The following GLIS1 variants were observed in gnomAD, a reference collection of about 807,000 sequenced individuals.
GLIS1 encodes the protein GLIS family zinc finger 1, also known as zinc finger protein GLIS1.
In GLIS1, 24 loss-of-function variants were observed where a neutral mutation model predicts 63.8. That is an observed-to-expected ratio of 0.38 (90% CI 0.27 to 0.53). GLIS1 has a LOEUF of 0.53. GLIS1 is among the 20% of genes least tolerant of loss of function. The pLI is 0.85. For missense variants in GLIS1, 1,036 were observed against 1,074.1 expected (o/e 0.96, Z 0.50); for synonymous variants, 450 against 482.5 (o/e 0.93, Z 0.88).
At chr1:53,704,150 T>C (rs1646552413) in intron 2 of GLIS1, among the ~76,000 whole-genome samples, 2 of 152,234 alleles carry the variant, frequency 1.3e-5, no homozygotes, top group Non-Finnish European at 2.9e-5. Context: ...CTTTGAAAAG[T>C]CTTCTCTCCC....
At chr1:53,510,301 AC>A (rs530800154) in intron 8 of GLIS1, among the ~76,000 whole-genome samples, 296 of 152,278 alleles carry the variant, frequency 1.9e-3, no homozygotes, top group Non-Finnish European at 3.1e-3. Context: ...CTGTGTTCAA[AC>A]CCCTAATTGC....
intron 4 of GLIS1, among the ~76,000 whole-genome samples, chr1:53,550,904 G>A (rs778880329): frequency 2.8e-4 from 42 of 152,100 alleles, no homozygotes; most frequent in Non-Finnish European, 5.6e-4. Context: ...AGGCTGGAGT[G>A]CAATGGCGCG....
intron 4 of GLIS1, among the ~76,000 whole-genome samples, chr1:53,548,178 G>A (rs576859999): frequency 1.3e-4 from 20 of 152,282 alleles, no homozygotes; most frequent in African/African-American, 4.6e-4. Context: ...TCACAGGGCC[G>A]TTCTGGCTCT....
At chr1:53,685,449 C>T (rs1646325955) in intron 2 of GLIS1, among the ~76,000 whole-genome samples, 1 of 152,232 alleles carries the variant, frequency 6.6e-6, no homozygotes, top group Admixed American at 6.5e-5. Context: ...GTCTGACCTC[C>T]TCGGCAATGT....
intron 3 of GLIS1, among the ~76,000 whole-genome samples, chr1:53,595,761 G>A (rs1645249460): frequency 6.6e-6 from 1 of 152,172 alleles, no homozygotes; most frequent in South Asian, 2.1e-4. Context: ...AATGCTAATT[G>A]TATGACACTT....
At chr1:53,726,462 T>C (rs1483140150) in intron 2 of GLIS1, among the ~76,000 whole-genome samples, 2 of 152,118 alleles carry the variant, frequency 1.3e-5, no homozygotes, top group Non-Finnish European at 2.9e-5. Context: ...CATGGGGACG[T>C]GGGGAACAGG....
At chr1:53,609,266 CTT>C (rs1221426769) in intron 2 of GLIS1, among the ~76,000 whole-genome samples, 549 of 81,302 alleles carry the variant, frequency 6.8e-3, no homozygotes, top group African/African-American at 0.027. Context: ...GGGTTTAAAT[CTT>C]TTTTTTTTTT....
rs924892842 is a variant in GLIS1, at chr1:53,550,223, C to T, written c.1321-20271G>A. 9.2e-5 allele frequency among the ~76,000 whole-genome samples: 14 copies of T among 152,180 alleles called. 1 individual carries two copies. The highest frequency in any genetic ancestry group is 7.2e-4 in the Admixed American group (11 of 15,284). ...GGATTCCAGACACTGGCTCAGGAAC[C>T]GACCCACTGCAAATCATAGATGATG... On this transcript the variant is annotated intron_variant, in intron 4 of 10. Transcript: ENST00000628545.
At chr1:53,520,895 G>T in intron 6 of GLIS1, 129 bp from the exon 7 acceptor site, 1 of 1,018,512 alleles carries the variant, frequency 9.8e-7, no homozygotes, top group Non-Finnish European at 1.4e-6. Context: ...CTGTGCCTCA[G>T]TTCCCCATCT....
chr1:53,707,747 C>G (rs546483711), intron 2 of GLIS1, among the ~76,000 whole-genome samples: 18 of 151,914 alleles, frequency 1.2e-4, no homozygotes, highest in African/African-American at 4.3e-4. Context: ...CAGATAGGGT[C>G]TCAGTATGTT....
chr1:53,738,774 C>T (rs987938180), intron 1 of GLIS1, among the ~76,000 whole-genome samples: 2 of 152,326 alleles, frequency 1.3e-5, no homozygotes, highest in East Asian at 1.9e-4. Context: ...CAAACCGGCA[C>T]AGTGGGCAAT....
chr1:53,637,115 T>G (rs930503369), intron 2 of GLIS1, among the ~76,000 whole-genome samples: 1 of 152,224 alleles, frequency 6.6e-6, no homozygotes, highest in African/African-American at 2.4e-5. Flanking sequence ...CCACTTCCAC[T>G]GCTGTGCACT....
At chr1:53,546,980 G>A (rs1270376639) in intron 4 of GLIS1, among the ~76,000 whole-genome samples, 1 of 152,184 alleles carries the variant, frequency 6.6e-6, no homozygotes, top group Non-Finnish European at 1.5e-5. Flanking sequence ...AATGGACCTG[G>A]TCCTGACTGG....
intron 2 of GLIS1, among the ~76,000 whole-genome samples, chr1:53,647,915 T>TA (rs1199669211): frequency 6.6e-6 from 1 of 152,194 alleles, no homozygotes; most frequent in Non-Finnish European, 1.5e-5. Flanking sequence ...CACATGCCTG[T>TA]AATCCCAGCA....
intron 2 of GLIS1, among the ~76,000 whole-genome samples, chr1:53,692,346 A>T (rs1454041472): frequency 6.6e-6 from 1 of 152,224 alleles, no homozygotes; most frequent in Non-Finnish European, 1.5e-5. Context: ...AAAAGGACTC[A>T]ACACAACCAT....
chr1:53,680,388 GC>G (rs1345881005), intron 2 of GLIS1, among the ~76,000 whole-genome samples: 1 of 152,176 alleles, frequency 6.6e-6, no homozygotes, highest in Non-Finnish European at 1.5e-5. Context: ...CGAGTGTGGT[GC>G]CCACCACTCA....
intron 2 of GLIS1, among the ~76,000 whole-genome samples, chr1:53,611,045 T>A (rs1193467787): frequency 6.6e-6 from 1 of 152,214 alleles, no homozygotes; most frequent in African/African-American, 2.4e-5. Flanking sequence ...TCTATTAAAT[T>A]CTCTATTTAT....
intron 2 of GLIS1, among the ~76,000 whole-genome samples, chr1:53,665,582 G>A (rs547805677): frequency 1.8e-4 from 27 of 152,216 alleles, no homozygotes; most frequent in African/African-American, 5.8e-4. Flanking sequence ...CCAGGTGTTC[G>A]ATGCTGCAGT....
chr1:53,603,361 C>T (rs1464645528), intron 2 of GLIS1, among the ~76,000 whole-genome samples: 2 of 152,212 alleles, frequency 1.3e-5, no homozygotes, highest in East Asian at 1.9e-4. Flanking sequence ...TAATTGCTGG[C>T]ATAGTCGTGG....
Sources: gnomAD v4.1 joint callset for allele counts (sites outside exome capture counted in the v4.1 genomes callset) on GRCh38, gnomAD v4.1.1 for gene constraint, MANE v1.5 for transcripts, NCBI Gene and HGNC (gene_info 2026-07-23, HGNC 2026-07-21) for gene names.